Variants in EXOC6 observed in about 807,000 individuals in gnomAD.
The protein encoded by EXOC6 is SEC15-like 1.
EXOC6 carries 60 observed loss-of-function variants against 112.5 expected under a neutral mutation model. That is an observed-to-expected ratio of 0.53 (90% CI 0.43 to 0.66). The LOEUF is 0.66. Ranked by LOEUF, EXOC6 falls within the 30% of genes least tolerant of loss-of-function variation. The pLI is 0.00. For synonymous variants in EXOC6, 295 were observed against 308.0 expected (o/e 0.96, Z 0.44); for missense variants, 855 against 957.1 (o/e 0.89, Z 1.41).
intron 9 of EXOC6, among the ~76,000 whole-genome samples, chr10:92,931,361 A>T (rs1366886698): frequency 6.6e-6 from 1 of 151,748 alleles, no homozygotes; most frequent in Non-Finnish European, 1.5e-5. Flanking sequence ...AACAAATTTA[A>T]GTGTATATAA....
chr10:92,945,163 G>A (rs182167746), intron 13 of EXOC6, among the ~76,000 whole-genome samples: 139 of 152,182 alleles, frequency 9.1e-4, no homozygotes, highest in Non-Finnish European at 1.5e-3. Flanking sequence ...GGACATTTTT[G>A]TGTCTTCTTT....
chr10:92,842,462 T>A (rs886767505), intron 1 of EXOC6, among the ~76,000 whole-genome samples: 7 of 150,592 alleles, frequency 4.6e-5, no homozygotes, highest in Non-Finnish European at 7.4e-5. Flanking sequence ...ATCATCATCA[T>A]CATCATCATC....
At chr10:92,948,679 A>G (rs1055317520) in intron 14 of EXOC6, among the ~76,000 whole-genome samples, 1 of 151,748 alleles carries the variant, frequency 6.6e-6, no homozygotes, top group South Asian at 2.1e-4. Flanking sequence ...TAGTTGCCCC[A>G]AATGTTAGGT....
intron 20 of EXOC6, among the ~76,000 whole-genome samples, chr10:93,019,330 A>G (rs889984909): frequency 1.3e-5 from 2 of 152,126 alleles, no homozygotes; most frequent in African/African-American, 4.8e-5. Context: ...GATTCTTTCT[A>G]TGTTTTGTTT....
chr10:93,052,873 C>A (rs1846365857), intron 20 of EXOC6, among the ~76,000 whole-genome samples: 1 of 152,094 alleles, frequency 6.6e-6, no homozygotes, highest in South Asian at 2.1e-4. Context: ...CTTTGAACTT[C>A]AGGTGTATGT....
At chr10:92,997,699 T>A (rs1380648188) in intron 19 of EXOC6, 84 bp downstream of exon 19, 10 of 1,266,070 alleles carry the variant, frequency 7.9e-6, no homozygotes, top group Non-Finnish European at 1.0e-5. Context: ...GCAGGATAGT[T>A]CAGAAAGGAG....
chr10:92,944,986 G>A (rs2094231), intron 13 of EXOC6, among the ~76,000 whole-genome samples: 58,857 of 151,584 alleles, frequency 0.39, 11,711 homozygotes, highest in Middle Eastern at 0.5. Context: ...TGGTCAGGCT[G>A]GTCTCGAACT....
At chr10:92,928,477 T>C in intron 9 of EXOC6, 55 bp downstream of exon 9, 1 of 1,043,756 alleles carries the variant, frequency 9.6e-7, no homozygotes, top group South Asian at 1.4e-5. Flanking sequence ...CCCCTTACCC[T>C]GTTTTAATTT....
At chr10:92,939,574 A>G (rs1275792260) in intron 12 of EXOC6, among the ~76,000 whole-genome samples, 1 of 152,042 alleles carries the variant, frequency 6.6e-6, no homozygotes, top group Admixed American at 6.6e-5. Context: ...TGCTGGCTGA[A>G]TGACTGGAGA....
chr10:92,921,411 A>AT (rs1336485780), intron 8 of EXOC6, among the ~76,000 whole-genome samples: 1 of 151,162 alleles, frequency 6.6e-6, no homozygotes, highest in East Asian at 1.9e-4. Context: ...TGGCCAGCTA[A>AT]TTTTTTGTAT....
chr10:92,885,636 C>G (rs1849174674), intron 1 of EXOC6, among the ~76,000 whole-genome samples: 1 of 152,112 alleles, frequency 6.6e-6, no homozygotes, highest in Non-Finnish European at 1.5e-5. Context: ...CTAAGCCTCC[C>G]AAAGTGCTGG....
At chr10:92,962,798 A>G (rs554482457) in intron 17 of EXOC6, among the ~76,000 whole-genome samples, 10 of 152,224 alleles carry the variant, frequency 6.6e-5, no homozygotes, top group Non-Finnish European at 1.3e-4. Context: ...CTACAAACAA[A>G]TAACAACAGT....
chr10:92,893,558 T>C (rs1285491840), intron 2 of EXOC6, 38 bp downstream of exon 2: 1 of 1,528,666 alleles, frequency 6.5e-7, no homozygotes, highest in Non-Finnish European at 8.9e-7. Context: ...TTTGTTCTCA[T>C]TAAATTACTC....
chr10:92,860,568 A>G (rs1229100783), intron 1 of EXOC6, among the ~76,000 whole-genome samples: 1 of 152,132 alleles, frequency 6.6e-6, no homozygotes, highest in Non-Finnish European at 1.5e-5. Context: ...GCTCTCCACA[A>G]CTGTTTTATC....
chr10:93,048,862 A>T (rs1464964095), intron 20 of EXOC6, among the ~76,000 whole-genome samples: 2 of 152,100 alleles, frequency 1.3e-5, no homozygotes, highest in African/African-American at 4.8e-5. Context: ...AATACATAAT[A>T]TAAATATTTT....
At chr10:92,857,216 G>T in intron 1 of EXOC6, among the ~76,000 whole-genome samples, 1 of 149,730 alleles carries the variant, frequency 6.7e-6, no homozygotes, top group Non-Finnish European at 1.5e-5. Context: ...TTTGCATTAA[G>T]CAAATATTTT....
chr10:92,948,177 T>A (rs939401920), intron 13 of EXOC6, 97 bp from the exon 14 acceptor site: 4 of 700,848 alleles, frequency 5.7e-6, no homozygotes, highest in Non-Finnish European at 9.3e-6. Flanking sequence ...AAGTAAAAAC[T>A]GCTTTTGTAA....
chr10:92,861,284 C>G (rs1847899458), intron 1 of EXOC6, among the ~76,000 whole-genome samples: 1 of 152,208 alleles, frequency 6.6e-6, no homozygotes, highest in African/African-American at 2.4e-5. Context: ...TGGCCTCCCT[C>G]TCTTGGAGTG....
chr10:92,915,971 T>G, intron 7 of EXOC6, 58 bp downstream of exon 7: 1 of 1,212,128 alleles, frequency 8.2e-7, no homozygotes, highest in Non-Finnish European at 1.1e-6. Context: ...TTTTGGATTG[T>G]AATGTACATC....
Sources: allele counts gnomAD v4.1 joint callset (sites outside exome capture counted in the v4.1 genomes callset), GRCh38; gene constraint gnomAD v4.1.1; transcripts MANE v1.5; gene names NCBI Gene and HGNC (gene_info 2026-07-23, HGNC 2026-07-21).